CHSY1: variants seen among roughly 807,000 people sequenced by gnomAD.
The protein encoded by CHSY1 is N-acetylgalactosaminyl-proteoglycan 3-beta-glucuronosyltransferase 1.
Under a neutral mutation model 59.8 loss-of-function variants are expected in CHSY1, and 13 were observed. The observed-to-expected ratio is 0.22, with a 90% confidence interval of 0.14 to 0.35. The LOEUF (loss-of-function observed/expected upper bound fraction) is 0.35. CHSY1 is among the 10% of genes least tolerant of loss of function. The pLI, the probability that CHSY1 is intolerant of heterozygous loss-of-function variation, is 1.00. For synonymous variants in CHSY1, 459 were observed against 401.2 expected (o/e 1.14, Z -1.72); for missense variants, 947 against 1,030.6 (o/e 0.92, Z 1.11).
chr15:101,209,762 G>A (rs532144449), intron 2 of CHSY1, among the ~76,000 whole-genome samples: 1 of 152,298 alleles, frequency 6.6e-6, no homozygotes, highest in South Asian at 2.1e-4. Flanking sequence ...CAACAGACAG[G>A]TATTTTCTTA....
chr15:101,231,988 G>T (rs1203722531), intron 2 of CHSY1, among the ~76,000 whole-genome samples: 1 of 152,154 alleles, frequency 6.6e-6, no homozygotes, highest in African/African-American at 2.4e-5. Flanking sequence ...TGACTTCTCT[G>T]TGAGTTTAAC....
intron 2 of CHSY1, among the ~76,000 whole-genome samples, chr15:101,195,598 GA>G (rs372593130): frequency 5.6e-4 from 86 of 152,276 alleles, no homozygotes; most frequent in African/African-American, 2.0e-3. Context: ...GAGACGGGCA[GA>G]TCATGAGGTC....
intron 2 of CHSY1, among the ~76,000 whole-genome samples, chr15:101,225,568 G>A (rs112560801): frequency 2.6e-4 from 39 of 152,176 alleles, no homozygotes; most frequent in Middle Eastern, 3.4e-3. Flanking sequence ...CTAACAGTGA[G>A]TTAGTTCAAG....
At chr15:101,229,525 C>A (rs962490104) in intron 2 of CHSY1, among the ~76,000 whole-genome samples, 2 of 152,066 alleles carry the variant, frequency 1.3e-5, no homozygotes, top group African/African-American at 4.8e-5. Flanking sequence ...CAAATATAAA[C>A]ATATATACAT....
intron 2 of CHSY1, among the ~76,000 whole-genome samples, chr15:101,226,756 T>C (rs2038845717): frequency 6.6e-6 from 1 of 152,208 alleles, no homozygotes; most frequent in African/African-American, 2.4e-5. Context: ...GCTACAGATG[T>C]CCAAAATTTA....
intron 1 of CHSY1, among the ~76,000 whole-genome samples, chr15:101,241,127 GCCCTGTCGC>G (rs1485113920): frequency 6.6e-6 from 1 of 152,290 alleles, no homozygotes; most frequent in East Asian, 1.9e-4. Context: ...ACGGAGTCTG[GCCCTGTCGC>G]CCAGGCTGGA....
chr15:101,231,332 T>C (rs1200647648), intron 2 of CHSY1, among the ~76,000 whole-genome samples: 1 of 152,202 alleles, frequency 6.6e-6, no homozygotes, highest in Non-Finnish European at 1.5e-5. Flanking sequence ...CTACCATTCA[T>C]GTAAACGGGG....
At chr15:101,206,174 G>A (rs1466637709) in intron 2 of CHSY1, among the ~76,000 whole-genome samples, 2 of 152,062 alleles carry the variant, frequency 1.3e-5, no homozygotes, top group African/African-American at 2.4e-5. Flanking sequence ...TTCTCTCCCC[G>A]GGTGAGCCTC....
At chr15:101,195,363 C>T (rs775486532) in intron 2 of CHSY1, among the ~76,000 whole-genome samples, 19 of 152,172 alleles carry the variant, frequency 1.2e-4, no homozygotes, top group Admixed American at 2.6e-4. Flanking sequence ...TAAAACCAAG[C>T]TATCCTACTA....
Position 101,251,525 on chromosome 15 carries a change from C to T in CHSY1, c.-69G>A, listed in dbSNP as rs1409748320. 1.8e-5 allele frequency: 6 copies of T among 326,156 alleles called. No homozygotes were observed. In the South Asian group the frequency reaches 3.4e-4, roughly 19 times the overall value. 20.2% of individuals were successfully genotyped at this position (326,156 alleles called of 1,614,324 possible). On this transcript the variant is annotated 5_prime_UTR_variant, in exon 1 of 3. Transcript: ENST00000254190. ...GCGCCCTCAGCCCGCTGCCCCCGCC[C>T]GCGGAGGCCAGCCCGCCCTAGCGCC...
intron 2 of CHSY1, among the ~76,000 whole-genome samples, chr15:101,203,442 C>T (rs1257425920): frequency 6.6e-6 from 1 of 151,640 alleles, no homozygotes; most frequent in Non-Finnish European, 1.5e-5. Context: ...CAAAAGCCCC[C>T]ATATACGGCT....
At chr15:101,184,360 T>C (rs2038324069) in intron 2 of CHSY1, among the ~76,000 whole-genome samples, 1 of 151,974 alleles carries the variant, frequency 6.6e-6, no homozygotes, top group African/African-American at 2.4e-5. Flanking sequence ...AAGTTTGAAA[T>C]AAATGTGTTA....
intron 1 of CHSY1, 79 bp downstream of exon 1, chr15:101,251,058 G>A: frequency 5.8e-6 from 8 of 1,371,890 alleles, no homozygotes; most frequent in South Asian, 1.2e-5. Context: ...GGGCGGAGGC[G>A]AGAGCCAGGA....
chr15:101,242,942 G>A (rs2039016805), intron 1 of CHSY1, among the ~76,000 whole-genome samples: 1 of 152,208 alleles, frequency 6.6e-6, no homozygotes, highest in South Asian at 2.1e-4. Flanking sequence ...TGTAACAGAG[G>A]CTGTGAATGG....
At chr15:101,237,247 A>AC (rs2038954261) in intron 1 of CHSY1, among the ~76,000 whole-genome samples, 1 of 143,638 alleles carries the variant, frequency 7.0e-6, no homozygotes, top group Non-Finnish European at 1.5e-5. Context: ...AAAAAAAAAA[A>AC]ACAGAGGCAA....
chr15:101,247,525 G>A (rs2039063802), intron 1 of CHSY1, among the ~76,000 whole-genome samples: 1 of 152,172 alleles, frequency 6.6e-6, no homozygotes, highest in South Asian at 2.1e-4. Flanking sequence ...AGGACTCAGG[G>A]TCGGGGGCCA....
chr15:101,182,827 A>G (rs570324371), intron 2 of CHSY1, among the ~76,000 whole-genome samples: 1 of 152,342 alleles, frequency 6.6e-6, no homozygotes, highest in East Asian at 1.9e-4. Flanking sequence ...CAGCTTCTCA[A>G]TGCTTCACTC....
chr15:101,247,310 A>T (rs905409905), intron 1 of CHSY1, among the ~76,000 whole-genome samples: 7 of 151,964 alleles, frequency 4.6e-5, no homozygotes, highest in African/African-American at 1.5e-4. Flanking sequence ...TATTCACACA[A>T]CTGGCTCTTC....
chr15:101,229,105 G>C, intron 2 of CHSY1, among the ~76,000 whole-genome samples: 1 of 152,062 alleles, frequency 6.6e-6, no homozygotes. Context: ...GAAATGACAA[G>C]GGAATTACAA....
Sources: gnomAD v4.1 joint callset for allele counts (sites outside exome capture counted in the v4.1 genomes callset) on GRCh38, gnomAD v4.1.1 for gene constraint, MANE v1.5 for transcripts, NCBI Gene and HGNC (gene_info 2026-07-23, HGNC 2026-07-21) for gene names.